The following RERE variants were observed in gnomAD, a reference collection of about 807,000 sequenced individuals.
RERE encodes arginine-glutamic acid dipeptide repeats protein.
RERE carries 40 observed loss-of-function variants against 146.1 expected under a neutral mutation model. That is an observed-to-expected ratio of 0.27 (90% CI 0.21 to 0.36). The LOEUF is 0.36. RERE is among the 10% of genes least tolerant of loss of function. RERE has a pLI of 1.00. For synonymous variants in RERE, 1,003 were observed against 866.0 expected, an observed-to-expected ratio of 1.16 and a Z score of -2.78; for missense variants, 1,933 against 2,138.7, an observed-to-expected ratio of 0.90 and a Z score of 1.90.
intron 7 of RERE, among the ~76,000 whole-genome samples, chr1:8,522,284 C>T (rs1645511757): frequency 6.6e-6 from 1 of 152,206 alleles, no homozygotes; most frequent in Non-Finnish European, 1.5e-5. Flanking sequence ...TACCTTCTCT[C>T]TCATCCTGTC....
chr1:8,463,049 G>A (rs1427126396), intron 11 of RERE, among the ~76,000 whole-genome samples: 1 of 152,144 alleles, frequency 6.6e-6, no homozygotes, highest in Non-Finnish European at 1.5e-5. Context: ...TAACAGAAGG[G>A]GGCCACATGA....
intron 1 of RERE, among the ~76,000 whole-genome samples, chr1:8,700,056 C>T (rs1036333941): frequency 2.0e-5 from 3 of 152,134 alleles, no homozygotes; most frequent in African/African-American, 4.8e-5. Flanking sequence ...CCTGTAATAC[C>T]AGCACTTTGG....
intron 11 of RERE, among the ~76,000 whole-genome samples, chr1:8,455,212 G>A (rs17032610): frequency 0.028 from 4,261 of 152,130 alleles, 170 homozygotes; most frequent in African/African-American, 0.097. Context: ...TCTTCCTGGT[G>A]TTCTTAGCAG....
At chr1:8,758,132 C>G (rs1259967065) in intron 1 of RERE, among the ~76,000 whole-genome samples, 1 of 152,020 alleles carries the variant, frequency 6.6e-6, no homozygotes, top group Non-Finnish European at 1.5e-5. Context: ...GTCACCCAGG[C>G]TGGAGTGCAG....
chr1:8,558,792 TC>T (rs941066447), intron 4 of RERE, among the ~76,000 whole-genome samples: 1 of 150,180 alleles, frequency 6.7e-6, no homozygotes, highest in African/African-American at 2.5e-5. Context: ...CTTTTTTTTT[TC>T]CTTTTCTTTT....
chr1:8,372,415 G>A (rs1272225817), intron 12 of RERE, among the ~76,000 whole-genome samples: 1 of 151,964 alleles, frequency 6.6e-6, no homozygotes, highest in African/African-American at 2.4e-5. Context: ...ACACTCCCCT[G>A]AGGAAGGGGA....
intron 1 of RERE, among the ~76,000 whole-genome samples, chr1:8,714,205 C>T (rs1332109564): frequency 1.3e-5 from 2 of 152,088 alleles, no homozygotes; most frequent in Non-Finnish European, 2.9e-5. Context: ...GAACTACTGC[C>T]ATTTAACAGA....
At chr1:8,636,885 G>C (rs1170792528) in intron 2 of RERE, among the ~76,000 whole-genome samples, 1 of 149,794 alleles carries the variant, frequency 6.7e-6, no homozygotes, top group African/African-American at 2.5e-5. Flanking sequence ...TTTGCCTGTA[G>C]CTCAAGAACC....
Position 8,607,244 on chromosome 1 carries a change from C to T in RERE, c.522+7317G>A, listed in dbSNP as rs866017405. Among the ~76,000 whole-genome samples, 36 of 151,708 alleles carry T rather than the reference C, an allele frequency of 2.4e-4. No homozygotes were observed. The Middle Eastern group carries it at 0.01, about 43-fold the overall frequency. ...GTATGGTGGCAGGCGCCTGTATTCC[C>T]GGCTACTCAGGAGGCTGAGGTAGGA... On this transcript the variant is annotated intron_variant, in intron 4 of 22. Transcript: ENST00000400908.
Position 8,538,274 on chromosome 1 carries a change from G to A in RERE, c.830+2940C>T, listed in dbSNP as rs374016563. On this transcript the variant is annotated intron_variant, in intron 7 of 22. Transcript: ENST00000400908. ...TAAGAGTCAGCATACAGTACACTATGTAGCCACGACTACTTACTAGTCCTA... is the reference window on the plus strand; with the variant it reads ...TAAGAGTCAGCATACAGTACACTATATAGCCACGACTACTTACTAGTCCTA... 2.0e-5 allele frequency among the ~76,000 whole-genome samples: 3 copies of A among 152,162 alleles called. No homozygotes were observed. In the East Asian group the frequency reaches 5.8e-4, roughly 29 times the overall value.
chr1:8,538,588 C>G (rs1458190656), intron 7 of RERE, among the ~76,000 whole-genome samples: 1 of 152,236 alleles, frequency 6.6e-6, no homozygotes. Context: ...GCTGCATTAG[C>G]TCCACTGCTG....
intron 8 of RERE, among the ~76,000 whole-genome samples, chr1:8,500,922 C>T (rs990020207): frequency 4.6e-5 from 7 of 150,720 alleles, no homozygotes; most frequent in Non-Finnish European, 8.9e-5. Flanking sequence ...AGTGAGGAAA[C>T]CCTCTGCCTG....
At chr1:8,719,198 T>C (rs1411656743) in intron 1 of RERE, among the ~76,000 whole-genome samples, 2 of 152,158 alleles carry the variant, frequency 1.3e-5, no homozygotes, top group Non-Finnish European at 2.9e-5. Context: ...AGAGCATCCA[T>C]CACAAAAGGT....
chr1:8,419,688 T>C (rs1341290424), intron 12 of RERE, among the ~76,000 whole-genome samples: 1 of 152,180 alleles, frequency 6.6e-6, no homozygotes, highest in Non-Finnish European at 1.5e-5. Flanking sequence ...ACAAACATTA[T>C]CTCATTTAAA....
At chr1:8,470,813 CTTTTTTTTT>C (rs71580028) in intron 10 of RERE, among the ~76,000 whole-genome samples, 9 of 74,554 alleles carry the variant, frequency 1.2e-4, no homozygotes, top group African/African-American at 1.6e-4. Flanking sequence ...AAAGAAATAC[CTTTTTTTTT>C]TTTTTTTTTT....
intron 8 of RERE, among the ~76,000 whole-genome samples, chr1:8,505,555 A>C (rs541650379): frequency 9.2e-5 from 14 of 151,462 alleles, no homozygotes; most frequent in African/African-American, 3.1e-4. Context: ...TTTTTTTTTT[A>C]AAGACTGGTT....
intron 1 of RERE, among the ~76,000 whole-genome samples, chr1:8,670,498 C>T (rs1261799723): frequency 1.3e-5 from 2 of 152,032 alleles, no homozygotes. Context: ...TTACTACAGA[C>T]ACAGTCTGTA....
intron 1 of RERE, among the ~76,000 whole-genome samples, chr1:8,716,575 T>C (rs1390155654): frequency 1.3e-5 from 2 of 151,500 alleles, no homozygotes; most frequent in Non-Finnish European, 2.9e-5. Context: ...CTCTGAGAAG[T>C]GAAACTCAAG....
chr1:8,667,925 T>C (rs1319968165), intron 1 of RERE, among the ~76,000 whole-genome samples: 3 of 152,196 alleles, frequency 2.0e-5, no homozygotes, highest in African/African-American at 7.2e-5. Flanking sequence ...TCCTGTGCAT[T>C]GTAGGATATT....
Sources: allele counts gnomAD v4.1 joint callset (sites outside exome capture counted in the v4.1 genomes callset), GRCh38; gene constraint gnomAD v4.1.1; transcripts MANE v1.5; gene names NCBI Gene and HGNC (gene_info 2026-07-23, HGNC 2026-07-21).